The following DIAPH3 variants were observed in gnomAD, a reference collection of about 807,000 sequenced individuals.
DIAPH3 encodes protein diaphanous homolog 3.
A neutral mutation model predicts 144.3 loss-of-function variants in DIAPH3; 117 were observed. That is an observed-to-expected ratio of 0.81 (90% CI 0.70 to 0.95). The LOEUF (loss-of-function observed/expected upper bound fraction) is 0.95. DIAPH3 is among the 40% of genes least tolerant of loss of function. The pLI is 0.00. For missense variants in DIAPH3, 1,421 were observed against 1,412.7 expected (o/e 1.01, Z -0.09); for synonymous variants, 519 against 488.9 (o/e 1.06, Z -0.81).
At chr13:59,670,923 TG>T (rs1426374717) in intron 27 of DIAPH3, among the ~76,000 whole-genome samples, 1 of 152,120 alleles carries the variant, frequency 6.6e-6, no homozygotes, top group Non-Finnish European at 1.5e-5. Flanking sequence ...AAAGCCAGGC[TG>T]GGGATAAGCT....
intron 25 of DIAPH3, among the ~76,000 whole-genome samples, chr13:59,809,365 G>A (rs2040352389): frequency 6.6e-6 from 1 of 152,098 alleles, no homozygotes; most frequent in East Asian, 1.9e-4. Flanking sequence ...GCCGGGCATG[G>A]TGGCGGGCCC....
intron 20 of DIAPH3, among the ~76,000 whole-genome samples, chr13:59,893,780 T>G (rs2045941265): frequency 6.6e-6 from 1 of 152,128 alleles, no homozygotes; most frequent in Non-Finnish European, 1.5e-5. Context: ...ACAATAACTC[T>G]GCCCACATAC....
chr13:60,010,735 A>G (rs1594323404), intron 7 of DIAPH3, 66 bp from the exon 8 acceptor site: 1 of 1,503,318 alleles, frequency 6.7e-7, no homozygotes, highest in East Asian at 2.3e-5. Context: ...ACCCTGAAGG[A>G]AATGTAGTTA....
At chr13:60,023,395 C>T (rs1179876028) in intron 5 of DIAPH3, among the ~76,000 whole-genome samples, 1 of 151,578 alleles carries the variant, frequency 6.6e-6, no homozygotes, top group Non-Finnish European at 1.5e-5. Flanking sequence ...GCAATTTGGG[C>T]ACTGCTTTCA....
intron 27 of DIAPH3, among the ~76,000 whole-genome samples, chr13:59,670,608 A>AGC (rs2032309955): frequency 6.9e-6 from 1 of 145,638 alleles, no homozygotes; most frequent in East Asian, 2.0e-4. Context: ...TTTTTGAGAC[A>AGC]GTCTTGCTCT....
chr13:59,812,122 T>C (rs886340508), intron 24 of DIAPH3, among the ~76,000 whole-genome samples: 1 of 152,200 alleles, frequency 6.6e-6, no homozygotes, highest in Non-Finnish European at 1.5e-5. Context: ...TGGTATTCTT[T>C]ATTTTAACCC....
chr13:59,950,789 T>G (rs1050965091), intron 17 of DIAPH3, among the ~76,000 whole-genome samples: 2 of 152,082 alleles, frequency 1.3e-5, no homozygotes, highest in African/African-American at 4.8e-5. Context: ...AGTCAAGATA[T>G]GAAGGCTATT....
At chr13:59,794,848 T>C (rs996446417) in intron 25 of DIAPH3, among the ~76,000 whole-genome samples, 3 of 152,222 alleles carry the variant, frequency 2.0e-5, no homozygotes, top group Non-Finnish European at 4.4e-5. Flanking sequence ...GGAATATTTC[T>C]AACATGCTGT....
intron 27 of DIAPH3, among the ~76,000 whole-genome samples, chr13:59,712,596 C>A (rs2034810258): frequency 6.6e-6 from 1 of 152,156 alleles, no homozygotes; most frequent in Non-Finnish European, 1.5e-5. Context: ...TCTTATGCAC[C>A]TAGCTCAGAT....
rs144141999 is a variant in DIAPH3 at position 59,950,156 on chromosome 13, G to A, written c.2074+19788C>T. Among the ~76,000 whole-genome samples the A allele has an allele frequency of 3.5e-3, 525 of 151,996 alleles. 3 individuals carry two copies. Among genetic ancestry groups the A allele is most frequent in the African/African-American group, 0.012 (495 of 41,446 alleles). On this transcript the variant is annotated intron_variant, in intron 17 of 27. Transcript: ENST00000400324. ...ATAATATTTTAATTTATTTATAAACGTGACAGAAGAAAATATAAATGCCTA... is the reference window on the plus strand; with the variant it reads ...ATAATATTTTAATTTATTTATAAACATGACAGAAGAAAATATAAATGCCTA...
At chr13:59,964,206 T>C (rs549996233) in intron 17 of DIAPH3, among the ~76,000 whole-genome samples, 2 of 152,192 alleles carry the variant, frequency 1.3e-5, no homozygotes, top group Admixed American at 1.3e-4. Flanking sequence ...ACTACCAAGA[T>C]TAAAATATCA....
chr13:60,089,458 A>T (rs372946176), intron 4 of DIAPH3, among the ~76,000 whole-genome samples: 1 of 152,204 alleles, frequency 6.6e-6, no homozygotes, highest in East Asian at 1.9e-4. Context: ...AGATTTGTAT[A>T]TTAATTTCTA....
intron 2 of DIAPH3, among the ~76,000 whole-genome samples, chr13:60,129,482 T>G (rs1457345796): frequency 1.3e-5 from 2 of 152,184 alleles, no homozygotes; most frequent in Non-Finnish European, 2.9e-5. Flanking sequence ...ATTCTGATAG[T>G]AACTCAAGAA....
intron 2 of DIAPH3, among the ~76,000 whole-genome samples, chr13:60,119,367 T>C (rs1269083135): frequency 1.3e-5 from 2 of 152,138 alleles, no homozygotes; most frequent in Non-Finnish European, 2.9e-5. Flanking sequence ...CCAGCCAACA[T>C]TTTTACCGCA....
At chr13:60,015,574 G>C (rs1361807691) in intron 7 of DIAPH3, among the ~76,000 whole-genome samples, 2 of 149,076 alleles carry the variant, frequency 1.3e-5, no homozygotes, top group African/African-American at 4.9e-5. Flanking sequence ...ATGAAGGAAG[G>C]AAGAAAAGAG....
intron 3 of DIAPH3, among the ~76,000 whole-genome samples, chr13:60,097,832 T>G (rs936283553): frequency 6.6e-6 from 1 of 151,702 alleles, no homozygotes; most frequent in Admixed American, 6.6e-5. Context: ...AGAGAAAATA[T>G]GCATGAAAGC....
intron 20 of DIAPH3, among the ~76,000 whole-genome samples, chr13:59,885,857 G>C (rs2045411255): frequency 6.6e-6 from 1 of 152,068 alleles, no homozygotes; most frequent in Non-Finnish European, 1.5e-5. Context: ...TTCTCACTCA[G>C]AGACTCTGGA....
intron 1 of DIAPH3, 113 bp downstream of exon 1, chr13:60,163,474 C>T: frequency 7.0e-7 from 1 of 1,438,550 alleles, no homozygotes; most frequent in South Asian, 1.3e-5. Flanking sequence ...ATCTTTGGCA[C>T]CTCTGGATCT....
At chr13:59,879,141 A>T in intron 21 of DIAPH3, 88 bp downstream of exon 21, 4 of 1,568,360 alleles carry the variant, frequency 2.6e-6, no homozygotes, top group Non-Finnish European at 3.5e-6. Flanking sequence ...GCACATCAAA[A>T]TAAAAAAATA....
Sources: allele counts gnomAD v4.1 joint callset (sites outside exome capture counted in the v4.1 genomes callset), GRCh38; gene constraint gnomAD v4.1.1; transcripts MANE v1.5; gene names NCBI Gene and HGNC (gene_info 2026-07-23, HGNC 2026-07-21).